The following MCTP1 variants were observed in gnomAD, a reference collection of about 807,000 sequenced individuals.
MCTP1 encodes the protein multiple C2 and transmembrane domain containing 1.
Under a neutral mutation model 120.6 loss-of-function variants are expected in MCTP1, and 69 were observed. The ratio of observed to expected loss-of-function variants is 0.57; its 90% CI spans 0.47 to 0.70. The LOEUF (loss-of-function observed/expected upper bound fraction) is 0.70, where lower values mean the gene tolerates loss of function less well. Among genes scored for constraint, MCTP1 ranks in the 30% least tolerant of loss-of-function variants. MCTP1 has a pLI of 0.00. For missense variants in MCTP1, 1,203 were observed against 1,248.8 expected (o/e 0.96, Z 0.55); for synonymous variants, 529 against 493.1 (o/e 1.07, Z -0.96).
At chr5:95,133,009 C>G (rs1759165407) in intron 1 of MCTP1, among the ~76,000 whole-genome samples, 1 of 152,148 alleles carries the variant, frequency 6.6e-6, no homozygotes, top group Non-Finnish European at 1.5e-5. Flanking sequence ...AGATTGTGAC[C>G]AAGCTCTTTC....
At chr5:94,966,657 T>C (rs1825675621) in intron 2 of MCTP1, among the ~76,000 whole-genome samples, 2 of 152,064 alleles carry the variant, frequency 1.3e-5, no homozygotes, top group Admixed American at 1.3e-4. Context: ...TAACAAGGCG[T>C]GGTGGCGGGC....
intron 1 of MCTP1, among the ~76,000 whole-genome samples, chr5:95,156,896 T>C (rs1363497322): frequency 6.6e-6 from 1 of 152,182 alleles, no homozygotes; most frequent in Non-Finnish European, 1.5e-5. Context: ...ACATCTGATA[T>C]ATTGGTGAAA....
intron 22 of MCTP1, among the ~76,000 whole-genome samples, chr5:94,707,949 T>TC (rs1002375214): frequency 2.6e-5 from 4 of 150,994 alleles, no homozygotes; most frequent in Non-Finnish European, 5.9e-5. Context: ...GAAAAAGGTA[T>TC]CACTGTAACC....
At chr5:95,140,447 A>G (rs1405962659) in intron 1 of MCTP1, among the ~76,000 whole-genome samples, 1 of 152,166 alleles carries the variant, frequency 6.6e-6, no homozygotes, top group African/African-American at 2.4e-5. Context: ...TCTAAGCAGA[A>G]ACTTTTAAAA....
At chr5:95,041,725 T>C (rs554959155) in intron 1 of MCTP1, among the ~76,000 whole-genome samples, 2 of 152,312 alleles carry the variant, frequency 1.3e-5, no homozygotes, top group South Asian at 2.1e-4. Flanking sequence ...ACATACTGCC[T>C]TTATATCAGT....
At chr5:95,212,310 C>A (rs1752481227) in intron 1 of MCTP1, among the ~76,000 whole-genome samples, 2 of 152,064 alleles carry the variant, frequency 1.3e-5, no homozygotes, top group Admixed American at 1.3e-4. Context: ...AAGACTAAAC[C>A]AGGAGGAAAT....
intron 17 of MCTP1, among the ~76,000 whole-genome samples, chr5:94,858,001 GT>G (rs1795027053): frequency 1.3e-5 from 2 of 151,638 alleles, no homozygotes; most frequent in South Asian, 4.1e-4. Context: ...TGGGTCACCA[GT>G]TTTTCTAAGT....
chr5:95,191,369 G>C (rs1044137361), intron 1 of MCTP1, among the ~76,000 whole-genome samples: 1 of 151,926 alleles, frequency 6.6e-6, no homozygotes, highest in African/African-American at 2.4e-5. Context: ...AGTGCCCCTA[G>C]GTTTCAAACA....
At chr5:94,709,943 G>A (rs1756220778) in intron 21 of MCTP1, 1 of 152,070 alleles carries the variant, frequency 6.6e-6, no homozygotes, top group Non-Finnish European at 1.5e-5. Context: ...CAAAAGCCTT[G>A]AAAAGAATTT....
rs921514180 is a variant in MCTP1 at position 94,990,184 on chromosome 5, T to G, written c.838+27183A>C. On this transcript the variant is annotated intron_variant, in intron 2 of 22. Coordinates refer to ENST00000515393, the MANE Select transcript of MCTP1 (RefSeq NM_024717.7). The stretch of plus-strand genomic sequence containing the variant: ...TGGAGCTGAGCCCTCCACCATGGGC[T>G]GTGTTAACACTGGGTAATTAGCGTT... Among the ~76,000 whole-genome samples, 17 of 152,304 alleles carry G rather than the reference T, an allele frequency of 1.1e-4. No individual in the cohort carries two copies. The South Asian group carries it at 3.1e-3, about 28-fold the overall frequency.
chr5:94,862,484 A>G (rs1250779853), intron 17 of MCTP1, among the ~76,000 whole-genome samples: 1 of 151,852 alleles, frequency 6.6e-6, no homozygotes, highest in Non-Finnish European at 1.5e-5. Context: ...ATACAAAAAC[A>G]AAACAAAAAT....
intron 1 of MCTP1, among the ~76,000 whole-genome samples, chr5:95,077,974 A>G (rs1390048581): frequency 1.6e-5 from 1 of 62,484 alleles, no homozygotes; most frequent in Non-Finnish European, 4.2e-5. Context: ...AGTGTCAGGT[A>G]CATGAGTCAT....
intron 1 of MCTP1, among the ~76,000 whole-genome samples, chr5:95,084,938 G>C (rs967113055): frequency 6.6e-6 from 1 of 152,054 alleles, no homozygotes; most frequent in Admixed American, 6.6e-5. Context: ...AAGAGTAAGG[G>C]CTGTTTGACT....
At chr5:94,938,225 T>C (rs1816677574) in intron 5 of MCTP1, among the ~76,000 whole-genome samples, 1 of 152,078 alleles carries the variant, frequency 6.6e-6, no homozygotes, top group African/African-American at 2.4e-5. Context: ...TACAGATCTT[T>C]CAATGGCTCC....
chr5:95,100,683 C>G (rs956337335), intron 1 of MCTP1, among the ~76,000 whole-genome samples: 1 of 152,154 alleles, frequency 6.6e-6, no homozygotes, highest in African/African-American at 2.4e-5. Flanking sequence ...ACAGCTGACA[C>G]CCCTGAGAGG....
chr5:94,759,991 G>A, intron 19 of MCTP1, among the ~76,000 whole-genome samples: 1 of 92,848 alleles, frequency 1.1e-5, no homozygotes, highest in Non-Finnish European at 2.1e-5. Flanking sequence ...TTTTTTTTTG[G>A]TACGAAAAAT....
rs56080673 is a variant in MCTP1 at position 95,257,796 on chromosome 5, T to TACACACATAC, written c.720+26059_720+26060insGTATGTGTGT. ...AAGGAAGGAAGTGCTCCAGAAAACA[T>TACACACATAC]ACACACACACACACACACACACACA... On this transcript the variant is annotated intron_variant, in intron 1 of 22. Coordinates refer to ENST00000515393, the MANE Select transcript of MCTP1 (RefSeq NM_024717.7). Among the ~76,000 whole-genome samples the TACACACATAC allele has an allele frequency of 3.2e-4, 40 of 125,418 alleles. 1 individual carries two copies. Among genetic ancestry groups the TACACACATAC allele is most frequent in the African/African-American group, 5.4e-4 (17 of 31,474 alleles). 82.3% of individuals were successfully genotyped at this position (125,418 alleles called of 152,430 possible).
chr5:94,849,803 C>T (rs1213350061), intron 17 of MCTP1, among the ~76,000 whole-genome samples: 1 of 152,034 alleles, frequency 6.6e-6, no homozygotes, highest in Non-Finnish European at 1.5e-5. Context: ...TTGTTTAATA[C>T]AATGCTGTCA....
chr5:94,827,925 C>G (rs1195723186), intron 17 of MCTP1, among the ~76,000 whole-genome samples: 1 of 151,914 alleles, frequency 6.6e-6, no homozygotes, highest in East Asian at 1.9e-4. Flanking sequence ...TCCTTTAGTT[C>G]AGAGGAGTTT....
Sources: allele counts gnomAD v4.1 joint callset (sites outside exome capture counted in the v4.1 genomes callset), GRCh38; gene constraint gnomAD v4.1.1; transcripts MANE v1.5; gene names NCBI Gene and HGNC (gene_info 2026-07-23, HGNC 2026-07-21).